DCXR: variants seen among roughly 807,000 people sequenced by gnomAD.
DCXR encodes dicarbonyl and L-xylulose reductase.
A neutral mutation model predicts 25.9 loss-of-function variants in DCXR; 24 were observed. That is an observed-to-expected ratio of 0.93 (90% confidence interval 0.67 to 1.30). The LOEUF (loss-of-function observed/expected upper bound fraction) is 1.30, where lower values mean the gene tolerates loss of function less well. Ranked by LOEUF, DCXR falls within the 50% of genes most tolerant of loss-of-function variation. The pLI is 0.00. For synonymous variants in DCXR, 161 were observed against 141.7 expected, an observed-to-expected ratio of 1.14 and a Z score of -0.97; for missense variants, 348 against 333.7, an observed-to-expected ratio of 1.04 and a Z score of -0.33.
In DCXR at chr17:82,037,674, C is replaced by T; in HGVS notation, c.9G>A (p.Leu3=). 1 of 1,591,544 alleles carries T rather than the reference C, an allele frequency of 6.3e-7. No homozygotes were observed. Among genetic ancestry groups the T allele is most frequent in the Non-Finnish European group, 8.5e-7 (1 of 1,176,582 alleles). The change falls in exon 1 of 8, where the codon CTG becomes CTA. Residue 3 remains leucine (L), a synonymous_variant. Coordinates refer to ENST00000306869, the MANE Select transcript of DCXR (RefSeq NM_016286.4). Reference sequence around the variant, plus strand: ...CCAGCACCCGGCGGCCCGCGAGGAACAGCTCCATGTCGGCGCAGTCTCCGC... The same window carrying T: ...CCAGCACCCGGCGGCCCGCGAGGAATAGCTCCATGTCGGCGCAGTCTCCGC... ME[L]FLAGRRVLVT...
intron 3 of DCXR, 27 bp downstream of exon 3, chr17:82,036,832 G>A: frequency 6.2e-7 from 1 of 1,613,470 alleles, no homozygotes; most frequent in Non-Finnish European, 8.5e-7. Context: ...GCCCCTCCCT[G>A]AGGTTCCTCC....
Position 82,035,867 on chromosome 17 carries a change from A to C in DCXR, c.*93T>G. ...CCCAGCTACCTGCTGGCAGCCTAGG[A>C]ATAGCACATAGTCTGGGCAGCAGAA... is the stretch of plus-strand genomic sequence containing the variant. On this transcript the variant is annotated 3_prime_UTR_variant, in exon 8 of 8. Coordinates refer to ENST00000306869, the MANE Select transcript of DCXR (RefSeq NM_016286.4). 1 of 1,172,716 alleles carries C rather than the reference A, an allele frequency of 8.5e-7. No homozygotes were observed. Among genetic ancestry groups the C allele is most frequent in the Non-Finnish European group, 1.2e-6 (1 of 801,208 alleles). 72.6% of individuals were successfully genotyped at this position (1,172,716 alleles called of 1,614,324 possible).
Position 82,037,658 on chromosome 17 carries a change from G to C in DCXR, c.25C>G (p.Arg9Gly), listed in dbSNP as rs759402588. The C allele has an allele frequency of 1.3e-6, 2 of 1,590,730 alleles. No homozygotes were observed. The highest frequency in any genetic ancestry group is 1.7e-6 in the Non-Finnish European group (2 of 1,176,184). The change falls in exon 1 of 8, where the codon CGG (arginine) becomes GGG (glycine). Residue 9 changes from arginine to glycine, a missense_variant. Physicochemically the swap from Arg to Gly is moderately radical, Grantham distance 125 (BLOSUM62 -2). Transcript: ENST00000306869. ...TTGCCTGCCCCGGTGACCAGCACCC[G>C]GCGGCCCGCGAGGAACAGCTCCATG... The part of the protein sequence containing the change: MELFLAGR[R>G]VLVTGAGKGI...
At position 82,036,884 on chromosome 17, in the gene DCXR, C is replaced by T; in HGVS notation, c.280G>A (p.Glu94Lys). The T allele has an allele frequency of 6.2e-7, 1 of 1,613,186 alleles. No individual in the cohort carries two copies. Among genetic ancestry groups the T allele is most frequent in the Non-Finnish European group, 8.5e-7 (1 of 1,179,968 alleles). ...AAVALLQPFL[E>K]VTKEAFDRSF... is the part of the protein sequence containing the mutation. Reference sequence around the variant, plus strand: ...CTGTCAAAGGCCTCCTTGGTGACCTCCAGGAAGGGCTGCAGCAGGGCGACA... The same window carrying T: ...CTGTCAAAGGCCTCCTTGGTGACCTTCAGGAAGGGCTGCAGCAGGGCGACA... The change falls in exon 3 of 8, where the codon GAG (glutamate) becomes AAG (lysine). Residue 94 changes from glutamate to lysine, a missense_variant. Physicochemically the swap from Glu to Lys is moderately conservative, Grantham distance 56. Transcript: ENST00000306869.
At position 82,036,663 on chromosome 17, in the gene DCXR, G is replaced by T; in HGVS notation, c.349-20C>A. On this transcript the variant is annotated intron_variant, in intron 4 of 7. Transcript: ENST00000306869. Reference sequence around the variant, plus strand: ...CACAATCTGGAATCGCAGCGAGACCGTGAGGCAGAGCTGGCATCACTCACG... The same window carrying T: ...CACAATCTGGAATCGCAGCGAGACCTTGAGGCAGAGCTGGCATCACTCACG... 1 of 1,613,406 alleles carries T rather than the reference G, an allele frequency of 6.2e-7. No homozygotes were observed. Among genetic ancestry groups the T allele is most frequent in the Non-Finnish European group, 8.5e-7 (1 of 1,179,976 alleles).
chr17:82,036,463 C>G lies in DCXR; in HGVS notation c.449-15G>C. 1 of 1,613,414 alleles carries G rather than the reference C, an allele frequency of 6.2e-7. No individual in the cohort carries two copies. The highest frequency in any genetic ancestry group is 8.5e-7 in the Non-Finnish European group (1 of 1,179,966). ...CTTGGTGGAGCCTACGAAGAGGAAC[C>G]CAAGCTGGCTGGGGCTGGGGTCGGT... is the stretch of plus-strand genomic sequence containing the variant. On this transcript the variant is annotated splice_polypyrimidine_tract_variant and intron_variant, in intron 5 of 7. Transcript: ENST00000306869.
Position 82,036,064 on chromosome 17 carries a change from C to T in DCXR, c.632-1G>A, listed in dbSNP as rs780166795. The T allele has an allele frequency of 6.2e-7, 1 of 1,613,046 alleles. No homozygotes were observed. The highest frequency in any genetic ancestry group is 2.2e-5 in the East Asian group (1 of 44,886). On this transcript the variant is annotated splice_acceptor_variant, in intron 7 of 7. Coordinates refer to ENST00000306869, the MANE Select transcript of DCXR (RefSeq NM_016286.4). LOFTEE classifies it high-confidence loss of function. ...ATGGCGTTCACCACGTGCTCTACCT[C>T]TGTGGGCAGGGCGGGGGTCAGGGGC...
Position 82,036,328 on chromosome 17 carries a change from G to A in DCXR, c.514-20C>T. On this transcript the variant is annotated intron_variant, in intron 6 of 7. Coordinates refer to ENST00000306869, the MANE Select transcript of DCXR (RefSeq NM_016286.4). The stretch of plus-strand genomic sequence containing the variant: ...TCGGATCTACACCGGGACAGCTGGG[G>A]TCAGCAGGGCAAGTGGGGTGTCCTA... 1 of 1,613,366 alleles carries A rather than the reference G, an allele frequency of 6.2e-7. No homozygotes were observed. The highest frequency in any genetic ancestry group is 8.5e-7 in the Non-Finnish European group (1 of 1,179,966).
Position 82,036,940 on chromosome 17 carries a change from C to T in DCXR, c.224G>A (p.Gly75Asp), listed in dbSNP as rs763861509. 6.2e-7 allele frequency: 1 copy of T among 1,608,830 alleles called. No homozygotes were observed. Among genetic ancestry groups the T allele is most frequent in the East Asian group, 2.2e-5 (1 of 44,542 alleles). Reference protein sequence around the residue: ...EATERALGSVGPVDLLVNNAA... With the variant: ...EATERALGSVDPVDLLVNNAA... ...GTTGTTCACCAGCAGGTCCACGGGG[C>T]CCACGCTGCCCAGCGCCCGCTCGGT... Residue 75 changes from glycine to aspartate, a missense_variant, in exon 3 of 8, where the codon GGC (glycine) becomes GAC (aspartate). Coordinates refer to ENST00000306869, the MANE Select transcript of DCXR (RefSeq NM_016286.4).
At chr17:82,037,248 G>C in intron 2 of DCXR, 1 of 837,276 alleles carries the variant, frequency 1.2e-6, no homozygotes, top group Non-Finnish European at 1.8e-6. Context: ...TTCTGAGCCC[G>C]GGGGCCCCGG....
In DCXR at chr17:82,036,980, C is replaced by G; in HGVS notation, c.184G>C (p.Gly62Arg). The change falls in exon 3 of 8, where the codon GGT becomes CGT. Residue 62 changes from glycine (G) to arginine (R), a missense_variant. Physicochemically the swap from Gly to Arg is moderately radical, Grantham distance 125 (BLOSUM62 -2). Transcript: ENST00000306869. Reference sequence around the variant, plus strand: ...GCCCGCTCGGTGGCCTCCCAGTCACCCAGGTCCACGCACACGGGTTCTATC... The same window carrying G: ...GCCCGCTCGGTGGCCTCCCAGTCACGCAGGTCCACGCACACGGGTTCTATC... ...PGIEPVCVDL[G>R]DWEATERALG... The G allele has an allele frequency of 6.3e-7, 1 of 1,583,370 alleles. No homozygotes were observed. The highest frequency in any genetic ancestry group is 8.6e-7 in the Non-Finnish European group (1 of 1,165,662).
intron 6 of DCXR, 24 bp from the exon 7 acceptor site, chr17:82,036,332 G>T (rs1197606142): frequency 6.2e-7 from 1 of 1,613,150 alleles, no homozygotes; most frequent in African/African-American, 1.3e-5. Flanking sequence ...GCTGGGGTCA[G>T]CAGGGCAAGT....
Position 82,037,621 on chromosome 17 carries a change from C to T in DCXR, c.52+10G>A, listed in dbSNP as rs1025215611. ...CCGCCGGCCTTTGCCCACCTTTCCC[C>T]GCCGCCCACCTTTGCCTGCCCCGGT... On this transcript the variant is annotated intron_variant, in intron 1 of 7. Transcript: ENST00000306869. 3 of 1,577,508 alleles carry T rather than the reference C, an allele frequency of 1.9e-6. No individual in the cohort carries two copies. Among genetic ancestry groups the T allele is most frequent in the African/African-American group, 2.7e-5 (2 of 74,470 alleles).
At chr17:82,036,475 G>A in intron 5 of DCXR, 27 bp from the exon 6 acceptor site, 2 of 1,613,346 alleles carry the variant, frequency 1.2e-6, no homozygotes, top group Non-Finnish European at 8.5e-7. Flanking sequence ...AAGCTGGCTG[G>A]GGCTGGGGTC....
intron 6 of DCXR, 26 bp from the exon 7 acceptor site, chr17:82,036,334 A>C (rs1389264331): frequency 6.2e-7 from 1 of 1,613,322 alleles, no homozygotes; most frequent in Admixed American, 1.7e-5. Flanking sequence ...TGGGGTCAGC[A>C]GGGCAAGTGG....
At position 82,036,850 on chromosome 17, in the gene DCXR, C is replaced by A. The variant is rs745909936; in HGVS notation, c.305+9G>T. The A allele has an allele frequency of 5.0e-6, 8 of 1,613,438 alleles. No individual in the cohort carries two copies. Among genetic ancestry groups the A allele is most frequent in the Admixed American group, 1.7e-5 (1 of 60,026 alleles). On this transcript the variant is annotated intron_variant, in intron 3 of 7. Coordinates refer to ENST00000306869, the MANE Select transcript of DCXR (RefSeq NM_016286.4). ...CCTCCCTGAGGTTCCTCCGCCCTCACAGGCTCACCTGTCAAAGGCCTCCTT... is the reference window on the plus strand; with the variant it reads ...CCTCCCTGAGGTTCCTCCGCCCTCAAAGGCTCACCTGTCAAAGGCCTCCTT...
intron 2 of DCXR, 185 bp from the exon 3 acceptor site, chr17:82,037,198 A>C: frequency 2.3e-6 from 2 of 868,958 alleles, no homozygotes; most frequent in South Asian, 1.8e-5. Flanking sequence ...CGCCCGAGCG[A>C]CTCCTGCCCG....
rs375243154 is a variant in DCXR, at chr17:82,037,630, C to T, written c.52+1G>A. 309 of 1,584,522 alleles carry T rather than the reference C, an allele frequency of 2.0e-4. 1 individual carries two copies. The highest frequency in any genetic ancestry group is 1.3e-4 in the Non-Finnish European group (147 of 1,173,162). ...TTTGCCCACCTTTCCCCGCCGCCCA[C>T]CTTTGCCTGCCCCGGTGACCAGCAC... On this transcript the variant is annotated splice_donor_variant, in intron 1 of 7. Transcript: ENST00000306869. LOFTEE classifies it high-confidence loss of function.
Position 82,036,971 on chromosome 17 carries a change from C to A in DCXR, c.193G>T (p.Glu65Ter). ...CTGCCCAGCGCCCGCTCGGTGGCCT[C>A]CCAGTCACCCAGGTCCACGCACACG... is the stretch of plus-strand genomic sequence containing the variant. Reference protein sequence around the residue: ...EPVCVDLGDWEATERALGSVG... With the variant: ...EPVCVDLGDW Residue 65 changes from glutamate (E) to a stop codon, truncating the protein, a stop_gained, in exon 3 of 8, where the codon GAG becomes TAG. Transcript: ENST00000306869. LOFTEE classifies it high-confidence loss of function. 1.9e-6 allele frequency: 3 copies of A among 1,588,008 alleles called. No homozygotes were observed. The highest frequency in any genetic ancestry group is 1.7e-6 in the Non-Finnish European group (2 of 1,168,138).
Sources: gnomAD v4.1 joint callset for allele counts on GRCh38, gnomAD v4.1.1 for gene constraint, MANE v1.5 for transcripts, NCBI Gene and HGNC (gene_info 2026-07-23, HGNC 2026-07-21) for gene names.